The following IST1 variants were observed in gnomAD, a reference collection of about 807,000 sequenced individuals.
IST1 encodes IST1 homolog.
Under a neutral mutation model 37.0 loss-of-function variants are expected in IST1, and 23 were observed. The ratio of observed to expected loss-of-function variants is 0.62; its 90% CI spans 0.45 to 0.88. The LOEUF is 0.88. Among genes scored for constraint, IST1 ranks in the 40% least tolerant of loss-of-function variants. The pLI is 0.00. For synonymous variants in IST1, 180 were observed against 161.7 expected (o/e 1.11, Z -0.86); for missense variants, 488 against 445.4 (o/e 1.10, Z -0.86).
At chr16:71,894,625 A>G, upstream of IST1, 1 of 517,638 alleles carries the variant, frequency 1.9e-6, no homozygotes, top group South Asian at 2.2e-5. Flanking sequence ...TTCTGGGCTC[A>G]AGCGATCTTC....
intron 4 of IST1, among the ~76,000 whole-genome samples, chr16:71,919,938 T>G (rs77926191): frequency 0.037 from 5,624 of 152,240 alleles, 323 homozygotes; most frequent in African/African-American, 0.13. Flanking sequence ...AATTTTTACC[T>G]TCTGCAGAAA....
intron 1 of IST1, among the ~76,000 whole-genome samples, chr16:71,897,057 T>C (rs1211983383): frequency 6.6e-6 from 1 of 152,112 alleles, no homozygotes; most frequent in Non-Finnish European, 1.5e-5. Flanking sequence ...TCTCACTCTG[T>C]TTCCCAGGCT....
At chr16:71,921,655 C>G (rs1207347841) in intron 6 of IST1, 1 of 505,628 alleles carries the variant, frequency 2.0e-6, no homozygotes. Flanking sequence ...TTGAGAAGGT[C>G]AAAACCTTGA....
chr16:71,901,814 A>G (rs902582806), intron 1 of IST1, among the ~76,000 whole-genome samples: 2 of 152,238 alleles, frequency 1.3e-5, no homozygotes, highest in Admixed American at 1.3e-4. Context: ...ATAATACATG[A>G]GCGACAGCTT....
In IST1 at chr16:71,904,423, G is replaced by A. The variant is rs114033508; in HGVS notation, c.-16+8834G>A. Among the ~76,000 whole-genome samples, 783 of 152,254 alleles carry A rather than the reference G, an allele frequency of 5.1e-3. 6 individuals carry two copies. Among genetic ancestry groups the A allele is most frequent in the African/African-American group, 0.018 (728 of 41,550 alleles). On this transcript the variant is annotated intron_variant, in intron 1 of 9. Transcript: ENST00000378799. ...AGGCGTGAGCCATTGCGCCCGGCCT[G>A]TTGTTTTGAGACAGGATCTTGCTCT...
intron 5 of IST1, 74 bp downstream of exon 5, chr16:71,920,896 TG>T (rs779969080): frequency 2.0e-5 from 20 of 1,010,690 alleles, no homozygotes; most frequent in Non-Finnish European, 2.9e-5. Context: ...GCAATTCTAG[TG>T]GGTACCACTG....
At chr16:71,903,695 G>C (rs946893714) in intron 1 of IST1, 26 of 152,132 alleles carry the variant, frequency 1.7e-4, no homozygotes, top group Admixed American at 1.6e-3. Flanking sequence ...TACCATGCCT[G>C]GTCCTATTTA....
At chr16:71,917,194 A>C in intron 4 of IST1, 60 bp downstream of exon 4, 1 of 985,568 alleles carries the variant, frequency 1.0e-6, no homozygotes, top group Non-Finnish European at 1.6e-6. Context: ...AAGGTTGGTT[A>C]ATATAAGTTA....
chr16:71,924,172 A>T (rs1335661045), intron 8 of IST1: 1 of 455,920 alleles, frequency 2.2e-6, no homozygotes, highest in Non-Finnish European at 4.4e-6. Flanking sequence ...GTTGGTAGGA[A>T]TGAGGTCGAA....
At position 71,905,778 on chromosome 16, in the gene IST1, C is replaced by T. The variant is rs182027785; in HGVS notation, c.-15-9848C>T. The stretch of plus-strand genomic sequence containing the variant: ...ATAGATGATCTCTTTACCCTTCTTC[C>T]CTTTATCCCATAATGTTTTGGTTAT... On this transcript the variant is annotated intron_variant, in intron 1 of 9. Transcript: ENST00000378799. Among the ~76,000 whole-genome samples the T allele has an allele frequency of 2.4e-4, 37 of 152,258 alleles. No individual in the cohort carries two copies. In the East Asian group the frequency reaches 7.1e-3, roughly 29 times the overall value.
intron 1 of IST1, among the ~76,000 whole-genome samples, chr16:71,895,961 T>C (rs1366681024): frequency 6.6e-6 from 1 of 152,210 alleles, no homozygotes. Flanking sequence ...CTACCCCGTC[T>C]TTTCTGGCCC....
At chr16:71,914,307 C>T (rs776593035) in intron 1 of IST1, among the ~76,000 whole-genome samples, 6 of 151,636 alleles carry the variant, frequency 4.0e-5, no homozygotes, top group South Asian at 2.1e-4. Context: ...TACAGGTGTG[C>T]GTCACCACGC....
At position 71,916,462 on chromosome 16, in the gene IST1, C is replaced by T. The variant is rs760963769; in HGVS notation, c.89C>T (p.Thr30Met). The T allele has an allele frequency of 1.2e-5, 20 of 1,611,438 alleles. No individual in the cohort carries two copies. Among genetic ancestry groups the T allele is most frequent in the Non-Finnish European group, 1.5e-5 (18 of 1,179,556 alleles). Residue 30 changes from threonine (T) to methionine (M), a missense_variant and splice_region_variant, in exon 3 of 10, where the codon ACG becomes ATG. Physicochemically the swap from Thr to Met is moderately conservative, Grantham distance 81 (BLOSUM62 -1). Coordinates refer to ENST00000378799, the MANE Select transcript of IST1 (RefSeq NM_001270975.2). ...GATCGGAGTGGGATTTGTGTCTTAG[C>T]GGAACTGGCCCAGAAAGCAAGGAAG... is the stretch of plus-strand genomic sequence containing the variant. ...NRLKLLEKKK[T>M]ELAQKARKEI...
At chr16:71,921,175 G>C (rs1432533084) in intron 5 of IST1, 168 bp from the exon 6 acceptor site, 1 of 607,836 alleles carries the variant, frequency 1.6e-6, no homozygotes, top group African/African-American at 1.9e-5. Flanking sequence ...AGAGAGACTT[G>C]GGTCCTCTGA....
chr16:71,907,758 G>A (rs959979359), intron 1 of IST1, among the ~76,000 whole-genome samples: 1 of 151,760 alleles, frequency 6.6e-6, no homozygotes, highest in East Asian at 1.9e-4. Flanking sequence ...TTCCCATTCT[G>A]GTGTTTAGTC....
At chr16:71,897,913 C>T (rs576408112) in intron 1 of IST1, among the ~76,000 whole-genome samples, 2 of 152,308 alleles carry the variant, frequency 1.3e-5, no homozygotes, top group East Asian at 3.9e-4. Flanking sequence ...CGTGCCACTG[C>T]ACTCCAGCCT....
intron 1 of IST1, among the ~76,000 whole-genome samples, chr16:71,911,096 C>T (rs968363381): frequency 1.3e-5 from 2 of 152,090 alleles, no homozygotes; most frequent in African/African-American, 4.8e-5. Context: ...AAAAAATTAG[C>T]TAGGCGTGGT....
intron 7 of IST1, chr16:71,923,018 T>C: frequency 2.1e-6 from 1 of 471,694 alleles, no homozygotes; most frequent in South Asian, 2.8e-5. Flanking sequence ...GTAGATAAGA[T>C]GGTCATTGGT....
At position 71,930,208 on chromosome 16, in the gene IST1, C is replaced by G; in HGVS notation, c.*2395C>G. On this transcript the variant is annotated 3_prime_UTR_variant, in exon 10 of 10. Coordinates refer to ENST00000378799, the MANE Select transcript of IST1 (RefSeq NM_001270975.2). ...CCTGGGAAAACAATAAGAACACTTG[C>G]AGTGACTGACAATTTAGTTTATACT... is the stretch of plus-strand genomic sequence containing the variant. The G allele has an allele frequency of 2.0e-6, 3 of 1,522,456 alleles. No homozygotes were observed. Among genetic ancestry groups the G allele is most frequent in the Non-Finnish European group, 2.6e-6 (3 of 1,133,488 alleles). 94.3% of individuals were successfully genotyped at this position (1,522,456 alleles called of 1,614,324 possible).
Sources: allele counts gnomAD v4.1 joint callset (sites outside exome capture counted in the v4.1 genomes callset), GRCh38; gene constraint gnomAD v4.1.1; transcripts MANE v1.5; gene names NCBI Gene and HGNC (gene_info 2026-07-23, HGNC 2026-07-21).